The following FGGY variants were observed in gnomAD, a reference collection of about 807,000 sequenced individuals.
FGGY encodes the protein FGGY carbohydrate kinase domain containing, also known as FGGY carbohydrate kinase domain-containing protein.
In FGGY, 72 loss-of-function variants were observed where a neutral mutation model predicts 71.3. The ratio of observed to expected loss-of-function variants is 1.01; its 90% CI spans 0.84 to 1.23. The LOEUF is 1.23. Ranked by LOEUF, FGGY falls within the 50% of genes most tolerant of loss-of-function variation. FGGY has a pLI of 0.00. For synonymous variants in FGGY, 251 were observed against 250.3 expected (o/e 1.00, Z -0.02); for missense variants, 668 against 682.3 (o/e 0.98, Z 0.23).
intron 8 of FGGY, among the ~76,000 whole-genome samples, chr1:59,568,759 T>C (rs1025441695): frequency 4.6e-5 from 7 of 152,120 alleles, no homozygotes; most frequent in Non-Finnish European, 8.8e-5. Flanking sequence ...CTGCTTCTCA[T>C]TCTCTGTCTT....
chr1:59,407,690 C>T (rs1230939517), intron 5 of FGGY, among the ~76,000 whole-genome samples: 1 of 152,120 alleles, frequency 6.6e-6, no homozygotes, highest in Non-Finnish European at 1.5e-5. Flanking sequence ...TGTGAGATTC[C>T]CTGAGGGCTC....
chr1:59,614,386 A>C (rs1046065192), intron 9 of FGGY, among the ~76,000 whole-genome samples: 11 of 152,260 alleles, frequency 7.2e-5, no homozygotes, highest in Non-Finnish European at 1.5e-4. Flanking sequence ...AAACAGAACC[A>C]ACGACAAAAA....
intron 5 of FGGY, among the ~76,000 whole-genome samples, chr1:59,397,809 A>G (rs1364283221): frequency 6.6e-6 from 1 of 152,208 alleles, no homozygotes; most frequent in East Asian, 1.9e-4. Context: ...TTGCTCATTC[A>G]CAGGGAGTAC....
chr1:59,453,261 A>G (rs1048049403), intron 5 of FGGY, among the ~76,000 whole-genome samples: 5 of 152,208 alleles, frequency 3.3e-5, no homozygotes, highest in Admixed American at 3.3e-4. Flanking sequence ...AGGCATCTGT[A>G]GCCATAAAAC....
intron 1 of FGGY, among the ~76,000 whole-genome samples, chr1:59,314,294 G>A (rs989291794): frequency 3.3e-5 from 5 of 152,160 alleles, no homozygotes; most frequent in Non-Finnish European, 7.4e-5. Flanking sequence ...AAAGATGTGG[G>A]TTTCAAGAGG....
intron 9 of FGGY, among the ~76,000 whole-genome samples, chr1:59,625,330 G>C (rs528612045): frequency 6.6e-6 from 1 of 152,214 alleles, no homozygotes; most frequent in South Asian, 2.1e-4. Flanking sequence ...TAAGATCCTA[G>C]ACCTGGGATT....
intron 5 of FGGY, among the ~76,000 whole-genome samples, chr1:59,406,425 C>T (rs1304097885): frequency 1.3e-5 from 2 of 152,096 alleles, no homozygotes; most frequent in African/African-American, 4.8e-5. Context: ...AAGCATTGTG[C>T]AAAAGTACTG....
intron 11 of FGGY, among the ~76,000 whole-genome samples, chr1:59,659,165 G>A (rs1394035062): frequency 6.6e-6 from 1 of 152,184 alleles, no homozygotes; most frequent in Non-Finnish European, 1.5e-5. Flanking sequence ...TCACACCACT[G>A]CACTCCAGCC....
At chr1:59,745,685 G>C (rs187882478) in intron 14 of FGGY, among the ~76,000 whole-genome samples, 2 of 152,334 alleles carry the variant, frequency 1.3e-5, no homozygotes, top group Non-Finnish European at 2.9e-5. Flanking sequence ...ACTGAAGGTA[G>C]CTATTGAATT....
chr1:59,655,240 C>T (rs138628366), intron 11 of FGGY, among the ~76,000 whole-genome samples: 13 of 152,196 alleles, frequency 8.5e-5, no homozygotes, highest in East Asian at 1.9e-4. Context: ...TTAAGAGAAA[C>T]GGAAAGAAAA....
At chr1:59,634,547 C>T (rs948950936) in intron 10 of FGGY, among the ~76,000 whole-genome samples, 1 of 152,044 alleles carries the variant, frequency 6.6e-6, no homozygotes, top group East Asian at 1.9e-4. Context: ...AAGAGTATGA[C>T]CACCATACTC....
chr1:59,504,038 C>T (rs1489513091), intron 6 of FGGY, among the ~76,000 whole-genome samples: 2 of 152,126 alleles, frequency 1.3e-5, no homozygotes, highest in African/African-American at 2.4e-5. Context: ...GGATTTAGAT[C>T]ATATGCTTTT....
intron 4 of FGGY, among the ~76,000 whole-genome samples, chr1:59,369,883 G>A (rs1224028948): frequency 1.3e-5 from 2 of 152,108 alleles, no homozygotes; most frequent in Non-Finnish European, 2.9e-5. Context: ...CTAACAAACA[G>A]AAAGGACATC....
chr1:59,524,243 T>C (rs2094914644), intron 7 of FGGY, among the ~76,000 whole-genome samples: 1 of 152,170 alleles, frequency 6.6e-6, no homozygotes, highest in African/African-American at 2.4e-5. Context: ...ACCTTGGCCC[T>C]CTCTGGACCT....
intron 6 of FGGY, among the ~76,000 whole-genome samples, chr1:59,489,268 T>C (rs990191891): frequency 1.1e-4 from 17 of 152,118 alleles, no homozygotes; most frequent in Non-Finnish European, 2.9e-5. Context: ...AAGGATATAT[T>C]ATTGTTAACT....
At chr1:59,413,604 A>G (rs1291712898) in intron 5 of FGGY, among the ~76,000 whole-genome samples, 1 of 152,152 alleles carries the variant, frequency 6.6e-6, no homozygotes, top group Non-Finnish European at 1.5e-5. Flanking sequence ...CAGCTATTTC[A>G]TGCTTATTTA....
intron 4 of FGGY, among the ~76,000 whole-genome samples, chr1:59,362,739 T>G (rs2055814138): frequency 6.6e-6 from 1 of 152,254 alleles, no homozygotes; most frequent in Admixed American, 6.5e-5. Flanking sequence ...ATCCATAGTT[T>G]ATAAATTATG....
At chr1:59,385,071 C>T (rs1316298808) in intron 5 of FGGY, among the ~76,000 whole-genome samples, 2 of 152,110 alleles carry the variant, frequency 1.3e-5, no homozygotes, top group Admixed American at 6.5e-5. Flanking sequence ...AACAAGTGAT[C>T]GAATTTCACC....
chr1:59,545,093 A>C (rs2095501695), intron 7 of FGGY, among the ~76,000 whole-genome samples: 1 of 152,154 alleles, frequency 6.6e-6, no homozygotes. Context: ...TCATTCGCAT[A>C]GTGTCTTATA....
Sources: gnomAD v4.1 joint callset for allele counts (sites outside exome capture counted in the v4.1 genomes callset) on GRCh38, gnomAD v4.1.1 for gene constraint, MANE v1.5 for transcripts, NCBI Gene and HGNC (gene_info 2026-07-23, HGNC 2026-07-21) for gene names.